SAMD4A: variants seen among roughly 807,000 people sequenced by gnomAD.
SAMD4A encodes the protein protein Smaug homolog 1.
A neutral mutation model predicts 81.3 loss-of-function variants in SAMD4A; 33 were observed. That is an observed-to-expected ratio of 0.41 (90% confidence interval 0.31 to 0.54). The LOEUF (loss-of-function observed/expected upper bound fraction) is 0.54, where lower values mean the gene tolerates loss of function less well. Among genes scored for constraint, SAMD4A ranks in the 20% least tolerant of loss-of-function variants. The probability of loss-of-function intolerance (pLI) is 0.37; values close to 1 mark genes in which losing one functional copy is unlikely to be tolerated. For synonymous variants in SAMD4A, 389 were observed against 382.1 expected (o/e 1.02, Z -0.21); for missense variants, 854 against 951.1 (o/e 0.90, Z 1.34).
chr14:54,586,605 A>C (rs941323403), intron 2 of SAMD4A, among the ~76,000 whole-genome samples: 2 of 152,138 alleles, frequency 1.3e-5, no homozygotes, highest in African/African-American at 4.8e-5. Context: ...TTTTTGTATA[A>C]GGTGAGAGAT....
intron 2 of SAMD4A, among the ~76,000 whole-genome samples, chr14:54,619,539 CA>C (rs1209990082): frequency 6.6e-6 from 1 of 152,042 alleles, no homozygotes; most frequent in African/African-American, 2.4e-5. Context: ...TTGTTTTAAT[CA>C]TTTTTTTTAA....
chr14:54,673,511 T>C (rs187742913), intron 2 of SAMD4A, among the ~76,000 whole-genome samples: 252 of 152,384 alleles, frequency 1.7e-3, no homozygotes, highest in African/African-American at 5.7e-3. Flanking sequence ...GGCTGCCTGC[T>C]GCTTTTAGCA....
At chr14:54,673,043 T>C (rs1267289767) in intron 2 of SAMD4A, among the ~76,000 whole-genome samples, 1 of 152,212 alleles carries the variant, frequency 6.6e-6, no homozygotes, top group Non-Finnish European at 1.5e-5. Flanking sequence ...GCTTGGAAGG[T>C]AGACAAGCAT....
chr14:54,687,507 G>A, intron 2 of SAMD4A: 1 of 378,944 alleles, frequency 2.6e-6, no homozygotes. Context: ...CATTCCCACT[G>A]CAAACAAGTT....
chr14:54,696,527 C>T (rs1440751777), intron 2 of SAMD4A, among the ~76,000 whole-genome samples: 2 of 152,200 alleles, frequency 1.3e-5, no homozygotes, highest in Non-Finnish European at 2.9e-5. Flanking sequence ...GTGAGAAACC[C>T]TTTTATGGCA....
chr14:54,707,276 G>T (rs1033928753), intron 3 of SAMD4A, among the ~76,000 whole-genome samples: 11 of 151,520 alleles, frequency 7.3e-5, no homozygotes, highest in Non-Finnish European at 1.3e-4. Context: ...GATAATTTTT[G>T]TATTTTTTGT....
intron 4 of SAMD4A, among the ~76,000 whole-genome samples, chr14:54,744,517 A>C (rs2037920831): frequency 6.6e-6 from 1 of 152,224 alleles, no homozygotes; most frequent in South Asian, 2.1e-4. Context: ...ATACAAGATG[A>C]GTGTAGCACT....
chr14:54,596,201 T>C (rs1174654069), intron 2 of SAMD4A, among the ~76,000 whole-genome samples: 1 of 152,114 alleles, frequency 6.6e-6, no homozygotes, highest in Non-Finnish European at 1.5e-5. Flanking sequence ...AACAAAGATG[T>C]AGGCAGGATT....
rs1555344346 is a variant in SAMD4A at position 54,695,969 on chromosome 14, A to AAAG, written c.197-6091_197-6090insGAA. On this transcript the variant is annotated intron_variant, in intron 2 of 12. Transcript: ENST00000554335. ...TCCATCTCAGAAAAAAAAAAAAAAA[A>AAAG]AAAAGAAAAAGAAAATAGGGGGAGG... Among the ~76,000 whole-genome samples the AAAG allele has an allele frequency of 2.0e-4, 30 of 149,670 alleles. No homozygotes were observed. In the East Asian group the frequency reaches 2.6e-3, roughly 13 times the overall value.
At chr14:54,778,371 C>T (rs2038914591) in intron 11 of SAMD4A, among the ~76,000 whole-genome samples, 1 of 152,252 alleles carries the variant, frequency 6.6e-6, no homozygotes, top group Non-Finnish European at 1.5e-5. Flanking sequence ...ACAGCAATGC[C>T]AAGTGGCTGG....
intron 2 of SAMD4A, among the ~76,000 whole-genome samples, chr14:54,649,571 A>G (rs745892547): frequency 7.2e-5 from 11 of 152,206 alleles, no homozygotes; most frequent in Non-Finnish European, 1.6e-4. Context: ...AACTGGGTAG[A>G]AGTCAAGCTA....
chr14:54,759,034 T>A (rs574573771), intron 6 of SAMD4A, among the ~76,000 whole-genome samples: 56 of 152,310 alleles, frequency 3.7e-4, no homozygotes, highest in Admixed American at 3.6e-3. Context: ...GCATCTGGCA[T>A]AGAGAAAAAT....
intron 6 of SAMD4A, among the ~76,000 whole-genome samples, chr14:54,752,979 C>T (rs1166450420): frequency 2.6e-5 from 4 of 152,368 alleles, no homozygotes; most frequent in African/African-American, 7.2e-5. Flanking sequence ...AATAACAAGG[C>T]AGCATTGCTG....
At chr14:54,642,132 A>G (rs773639713) in intron 2 of SAMD4A, among the ~76,000 whole-genome samples, 4 of 152,182 alleles carry the variant, frequency 2.6e-5, no homozygotes, top group Non-Finnish European at 4.4e-5. Flanking sequence ...TGGAAGGTAG[A>G]TATTAGTTCT....
intron 2 of SAMD4A, among the ~76,000 whole-genome samples, chr14:54,662,162 G>A (rs544273310): frequency 9.9e-5 from 15 of 152,260 alleles, no homozygotes; most frequent in African/African-American, 1.7e-4. Context: ...GGTTTTGATC[G>A]CTTAGTTACA....
chr14:54,627,424 A>C (rs985367432), intron 2 of SAMD4A, among the ~76,000 whole-genome samples: 1 of 152,232 alleles, frequency 6.6e-6, no homozygotes, highest in Admixed American at 6.5e-5. Flanking sequence ...TAGCCCATTC[A>C]TTAGATGATC....
intron 2 of SAMD4A, among the ~76,000 whole-genome samples, chr14:54,686,058 A>G (rs1267727185): frequency 2.0e-5 from 3 of 152,198 alleles, no homozygotes; most frequent in African/African-American, 4.8e-5. Flanking sequence ...CTTGTACTCT[A>G]GCTTCCTGGG....
chr14:54,674,081 T>G (rs1036289775), intron 2 of SAMD4A, among the ~76,000 whole-genome samples: 12 of 152,210 alleles, frequency 7.9e-5, no homozygotes, highest in Non-Finnish European at 1.8e-4. Flanking sequence ...AGCATTCCAC[T>G]TGAATCCAAC....
chr14:54,672,104 T>G (rs2035897535), intron 2 of SAMD4A, among the ~76,000 whole-genome samples: 1 of 151,998 alleles, frequency 6.6e-6, no homozygotes, highest in African/African-American at 2.4e-5. Flanking sequence ...AATTTATTTT[T>G]TTTTGAGATG....
Sources: gnomAD v4.1 joint callset for allele counts (sites outside exome capture counted in the v4.1 genomes callset) on GRCh38, gnomAD v4.1.1 for gene constraint, MANE v1.5 for transcripts, NCBI Gene and HGNC (gene_info 2026-07-23, HGNC 2026-07-21) for gene names.